Variants in MYO1A observed in about 807,000 individuals in gnomAD.
The protein encoded by MYO1A is myosin IA.
A neutral mutation model predicts 138.5 loss-of-function variants in MYO1A; 127 were observed. The observed-to-expected ratio is 0.92, with a 90% CI of 0.79 to 1.06. The LOEUF (loss-of-function observed/expected upper bound fraction) is 1.06, where lower values mean the gene tolerates loss of function less well. MYO1A is among the 50% of genes least tolerant of loss of function. MYO1A has a pLI of 0.00. For synonymous variants in MYO1A, 477 were observed against 497.5 expected, an observed-to-expected ratio of 0.96 and a Z score of 0.55; for missense variants, 1,211 against 1,288.8, an observed-to-expected ratio of 0.94 and a Z score of 0.92.
chr12:57,043,153 C>T lies in MYO1A; in HGVS notation c.1017G>A (p.Gln339=). 1 of 1,614,200 alleles carries T rather than the reference C, an allele frequency of 6.2e-7. No individual in the cohort carries two copies. The highest frequency in any genetic ancestry group is 1.1e-5 in the South Asian group (1 of 91,082). Residue 339 remains glutamine, a synonymous_variant, in exon 12 of 28, where the codon CAG becomes CAA. Transcript: ENST00000300119. ...VVTALNVMQA[Q]YARDALAKNI... ...TCTTAGCCAGGGCGTCCCGAGCATA[C>T]TGAGCCTGTGGGTGAGGCACAGCTG...
intron 23 of MYO1A, 53 bp downstream of exon 23, chr12:57,030,987 G>C (rs760410406): frequency 6.2e-7 from 1 of 1,604,448 alleles, no homozygotes; most frequent in Admixed American, 1.7e-5. Context: ...GGAAAATCAG[G>C]GGGAGGGAAA....
rs2136434923 is a variant in MYO1A at position 57,031,115 on chromosome 12, CTTGTCTAAGACGTT to C, written c.2395_2408del (p.Asn799AspfsTer49). On this transcript the variant is annotated frameshift_variant, in exon 23 of 28. Coordinates refer to ENST00000300119, the MANE Select transcript of MYO1A (RefSeq NM_005379.4). LOFTEE classifies it high-confidence loss of function. Reference sequence around the variant, plus strand: ...ACTTGTAGGGGGCGGCTGGCCATGTCTTGTCTAAGACGTTTGTGGATGGCAAATTGTTCTTCAGC... The same window carrying C: ...ACTTGTAGGGGGCGGCTGGCCATGTCTGTGGATGGCAAATTGTTCTTCAGC... 6.2e-7 allele frequency: 1 copy of C among 1,614,158 alleles called. No homozygotes were observed. Among genetic ancestry groups the C allele is most frequent in the East Asian group, 2.2e-5 (1 of 44,886 alleles).
Position 57,048,245 on chromosome 12 carries a change from TC to T in MYO1A, c.78del (p.Asn27IlefsTer19). The T allele has an allele frequency of 1.2e-6, 2 of 1,614,178 alleles. No homozygotes were observed. The highest frequency in any genetic ancestry group is 1.7e-6 in the Non-Finnish European group (2 of 1,180,020). ...TTGTTTTCATAGCGAAGCTGAAGAT[TC>T]TTGAGCAGTGACTCCTCCACCAAGG... ...LEPLVEESLL[K>X]NLQLRYENKE... On this transcript the variant is annotated frameshift_variant, in exon 2 of 28. Coordinates refer to ENST00000300119, the MANE Select transcript of MYO1A (RefSeq NM_005379.4). LOFTEE classifies it high-confidence loss of function.
At chr12:57,040,206 G>C (rs896721100) in intron 14 of MYO1A, among the ~76,000 whole-genome samples, 1 of 152,090 alleles carries the variant, frequency 6.6e-6, no homozygotes. Context: ...ACCAGTTAAA[G>C]GAATTATGAT....
At chr12:57,046,212 T>C (rs1480429082) in intron 8 of MYO1A, among the ~76,000 whole-genome samples, 1 of 151,850 alleles carries the variant, frequency 6.6e-6, no homozygotes, top group South Asian at 2.1e-4. Flanking sequence ...AAGTTGAAGG[T>C]AGGAAGGAAA....
In MYO1A at chr12:57,043,114, G is replaced by T. The variant is rs149993896; in HGVS notation, c.1056C>A (p.Arg352=). ...TTCGATTCACTATCCAGTCAAAGAG[G>T]CGGCTGTAGATGTTCTTAGCCAGGG... The part of the protein sequence containing the change: ...RDALAKNIYS[R]LFDWIVNRIN... Residue 352 remains arginine (R), a synonymous_variant, in exon 12 of 28, where the codon CGC becomes CGA. Transcript: ENST00000300119. 5.6e-6 allele frequency: 9 copies of T among 1,614,042 alleles called. No individual in the cohort carries two copies. In the African/African-American group the frequency reaches 1.2e-4, roughly 22 times the overall value.
intron 15 of MYO1A, 70 bp from the exon 16 acceptor site, chr12:57,039,079 C>T (rs2136447275): frequency 3.8e-6 from 6 of 1,567,710 alleles, no homozygotes; most frequent in Non-Finnish European, 5.2e-6. Flanking sequence ...CTCATTGCTG[C>T]CCCCTTTCTC....
rs201397880 is a variant in MYO1A at position 57,029,560 on chromosome 12, T to C, written c.2752A>G (p.Lys918Glu). ...GTGTCTGTGAGAATCACATGGCCCTTGGTCAGGAGGAGAATCCGAGAAGAA... is the reference window on the plus strand; with the variant it reads ...GTGTCTGTGAGAATCACATGGCCCTCGGTCAGGAGGAGAATCCGAGAAGAA... The part of the protein sequence containing the change: ...KTSSRILLLT[K>E]GHVILTDTKK... The change falls in exon 26 of 28, where the codon AAG becomes GAG. Residue 918 changes from lysine (K) to glutamate (E), a missense_variant. Coordinates refer to ENST00000300119, the MANE Select transcript of MYO1A (RefSeq NM_005379.4). 1.7e-5 allele frequency: 28 copies of C among 1,614,148 alleles called. No individual in the cohort carries two copies. In the Admixed American group the frequency reaches 4.0e-4, roughly 23 times the overall value.
intron 16 of MYO1A, 83 bp downstream of exon 16, chr12:57,038,724 ACT>A: frequency 1.2e-6 from 2 of 1,606,996 alleles, no homozygotes; most frequent in South Asian, 1.1e-5. Context: ...AGTATTCCAG[ACT>A]CTCACCTTCC....
intron 6 of MYO1A, 27 bp from the exon 7 acceptor site, chr12:57,046,953 C>T (rs1052221336): frequency 1.9e-6 from 3 of 1,612,048 alleles, no homozygotes; most frequent in Non-Finnish European, 2.5e-6. Flanking sequence ...GAGAGAGAGA[C>T]TTAGCTTCTT....
chr12:57,047,569 G>A (rs1448354810), intron 4 of MYO1A, 58 bp downstream of exon 4: 3 of 1,583,766 alleles, frequency 1.9e-6, no homozygotes, highest in Non-Finnish European at 2.6e-6. Flanking sequence ...GGCTTGCAAA[G>A]AGACAAGGAA....
At chr12:57,035,326 C>T (rs1463891465) in intron 22 of MYO1A, among the ~76,000 whole-genome samples, 1 of 152,200 alleles carries the variant, frequency 6.6e-6, no homozygotes, top group South Asian at 2.1e-4. Flanking sequence ...ACTGAAGAGA[C>T]CTGGAAGATG....
At chr12:57,047,517 T>C in intron 4 of MYO1A, 110 bp from the exon 5 acceptor site, 1 of 1,508,304 alleles carries the variant, frequency 6.6e-7, no homozygotes, top group Non-Finnish European at 9.2e-7. Context: ...TCAGAAAAAG[T>C]GGAAAGGAAG....
chr12:57,038,285 T>C (rs2030668196), intron 17 of MYO1A, 127 bp downstream of exon 17: 1 of 1,195,220 alleles, frequency 8.4e-7, no homozygotes, highest in Non-Finnish European at 1.2e-6. Context: ...CTGACTGTTT[T>C]CTGTGAGGAA....
chr12:57,041,309 T>C (rs2136450372), intron 13 of MYO1A, 21 bp from the exon 14 acceptor site: 1 of 1,607,240 alleles, frequency 6.2e-7, no homozygotes, highest in Non-Finnish European at 8.5e-7. Flanking sequence ...GAGCACAGGT[T>C]AGAGAGCTCA....
chr12:57,029,420 A>C lies in MYO1A; in HGVS notation c.2877+15T>G. 1 of 1,613,848 alleles carries C rather than the reference A, an allele frequency of 6.2e-7. No individual in the cohort carries two copies. The highest frequency in any genetic ancestry group is 8.5e-7 in the Non-Finnish European group (1 of 1,179,890). On this transcript the variant is annotated intron_variant, in intron 26 of 27. Coordinates refer to ENST00000300119, the MANE Select transcript of MYO1A (RefSeq NM_005379.4). ...CCTTCTCCAGTCCAAGGCTTGCCCCACCCAGCTCTGATACCTCACTCAGAT... is the reference window on the plus strand; with the variant it reads ...CCTTCTCCAGTCCAAGGCTTGCCCCCCCCAGCTCTGATACCTCACTCAGAT...
Position 57,041,509 on chromosome 12 carries a change from A to G in MYO1A, c.1099-12T>C. 1.9e-6 allele frequency: 3 copies of G among 1,609,738 alleles called. No homozygotes were observed. Among genetic ancestry groups the G allele is most frequent in the Non-Finnish European group, 2.6e-6 (3 of 1,176,008 alleles). The stretch of plus-strand genomic sequence containing the variant: ...TCCCCGATGCCCACCTGAAGAGGAG[A>G]GAAAGATAAATCTGAGGACAGGCCC... On this transcript the variant is annotated splice_polypyrimidine_tract_variant and intron_variant, in intron 12 of 27. Transcript: ENST00000300119.
At position 57,041,492 on chromosome 12, in the gene MYO1A, G is replaced by A. The variant is rs1479223352; in HGVS notation, c.1104C>T (p.Gly368=). The change falls in exon 13 of 28, where the codon GGC becomes GGT. Residue 368 remains glycine, a synonymous_variant. Coordinates refer to ENST00000300119, the MANE Select transcript of MYO1A (RefSeq NM_005379.4). ...CCATTACCTTCTTCTTTTCCCCGATGCCCACCTGAAGAGGAGAGAAAGATA... is the reference window on the plus strand; with the variant it reads ...CCATTACCTTCTTCTTTTCCCCGATACCCACCTGAAGAGGAGAGAAAGATA... ...VNRINESIKV[G]IGEKKKVMGV... 6.2e-7 allele frequency: 1 copy of A among 1,612,754 alleles called. No individual in the cohort carries two copies. The highest frequency in any genetic ancestry group is 8.5e-7 in the Non-Finnish European group (1 of 1,178,762).
rs1555168119 is a variant in MYO1A, at chr12:57,046,929, T to G, written c.478-3A>C. 3.1e-6 allele frequency: 5 copies of G among 1,614,042 alleles called. No homozygotes were observed. The Admixed American group carries it at 8.3e-5, about 27-fold the overall frequency. Reference sequence around the variant, plus strand: ...AATTCAATATCCATGTATTTTCCCTTCAGAGAGAGACCAGAGAGAGAGACT... The same window carrying G: ...AATTCAATATCCATGTATTTTCCCTGCAGAGAGAGACCAGAGAGAGAGACT... On this transcript the variant is annotated splice_region_variant and splice_polypyrimidine_tract_variant and intron_variant, in intron 6 of 27. Transcript: ENST00000300119.
Sources: gnomAD v4.1 joint callset for allele counts (sites outside exome capture counted in the v4.1 genomes callset) on GRCh38, gnomAD v4.1.1 for gene constraint, MANE v1.5 for transcripts, NCBI Gene and HGNC (gene_info 2026-07-23, HGNC 2026-07-21) for gene names.